Variants in GGNBP2 observed in about 807,000 individuals in gnomAD.
GGNBP2 encodes the protein gametogenetin-binding protein 2.
A neutral mutation model predicts 85.9 loss-of-function variants in GGNBP2; 10 were observed. That is an observed-to-expected ratio of 0.12 (90% CI 0.07 to 0.20). The LOEUF is 0.20. Ranked by LOEUF, GGNBP2 falls within the 10% of genes least tolerant of loss-of-function variation. The pLI is 1.00. For synonymous variants in GGNBP2, 287 were observed against 285.7 expected (o/e 1.00, Z -0.05); for missense variants, 595 against 857.8 (o/e 0.69, Z 3.83).
At chr17:36,573,022 CAG>C (rs1369322444) in intron 6 of GGNBP2, among the ~76,000 whole-genome samples, 1 of 152,154 alleles carries the variant, frequency 6.6e-6, no homozygotes, top group Non-Finnish European at 1.5e-5. Flanking sequence ...TAGCATATGA[CAG>C]GATTCCCCTC....
intron 5 of GGNBP2, among the ~76,000 whole-genome samples, chr17:36,562,291 T>C (rs1314163266): frequency 2.0e-5 from 3 of 152,064 alleles, no homozygotes; most frequent in African/African-American, 7.2e-5. Context: ...CTCAGCCTCC[T>C]GAGTAGCTGG....
At chr17:36,563,595 T>G (rs948318481) in intron 5 of GGNBP2, among the ~76,000 whole-genome samples, 2 of 151,806 alleles carry the variant, frequency 1.3e-5, no homozygotes, top group African/African-American at 4.8e-5. Flanking sequence ...TCTGGTTTTT[T>G]TTTTTTTTTT....
At position 36,581,558 on chromosome 17, in the gene GGNBP2, A is replaced by C. The variant is rs1332669988; in HGVS notation, c.1215+20A>C. The stretch of plus-strand genomic sequence containing the variant: ...GAGAAGGTAATATTTCTTAATATCA[A>C]CTCTTAAGTGTGTATGTATTGCTTG... On this transcript the variant is annotated intron_variant, in intron 9 of 13. Coordinates refer to ENST00000613102, the MANE Select transcript of GGNBP2 (RefSeq NM_024835.5). The C allele has an allele frequency of 6.4e-7, 1 of 1,558,864 alleles. No individual in the cohort carries two copies. Among genetic ancestry groups the C allele is most frequent in the Non-Finnish European group, 8.8e-7 (1 of 1,135,202 alleles).
Position 36,581,503 on chromosome 17 carries a change from C to A in GGNBP2, c.1180C>A (p.Gln394Lys), listed in dbSNP as rs368153017. 149 of 1,610,326 alleles carry A rather than the reference C, an allele frequency of 9.3e-5. 1 individual carries two copies. Among genetic ancestry groups the A allele is most frequent in the South Asian group, 3.4e-4 (31 of 90,392 alleles). Residue 394 changes from glutamine (Q) to lysine (K), a missense_variant, in exon 9 of 14, where the codon CAA becomes AAA. Physicochemically the swap from Gln to Lys is moderately conservative, Grantham distance 53 (BLOSUM62 1). Around this residue, in one of 9 missense-constraint regions of GGNBP2, gnomAD observed 85 missense variants for 92.6 expected, o/e 0.92. Coordinates refer to ENST00000613102, the MANE Select transcript of GGNBP2 (RefSeq NM_024835.5). ...KCVCDIPTPL[Q>K]TADEKEVSQE... ...TGTGTGTGATATTCCTACTCCCTTA[C>A]AAACAGCAGATGAAAAGGAAGTAAG... is the stretch of plus-strand genomic sequence containing the variant.
chr17:36,552,507 C>T (rs2074319524), intron 2 of GGNBP2, among the ~76,000 whole-genome samples: 1 of 150,906 alleles, frequency 6.6e-6, no homozygotes, highest in Admixed American at 6.6e-5. Context: ...TTGCTTTGTG[C>T]TGTTGATAAA....
intron 2 of GGNBP2, among the ~76,000 whole-genome samples, chr17:36,549,144 A>C (rs12601380): frequency 0.32 from 48,537 of 152,138 alleles, 9,100 homozygotes; most frequent in East Asian, 0.49. Context: ...GTTCAGTGTT[A>C]CTACAATTAT....
At chr17:36,571,010 ACT>A (rs938116458) in intron 6 of GGNBP2, among the ~76,000 whole-genome samples, 4 of 152,174 alleles carry the variant, frequency 2.6e-5, no homozygotes, top group South Asian at 4.1e-4. Flanking sequence ...ACAGAGTGAG[ACT>A]CTGTCTCAAA....
chr17:36,572,853 C>G (rs548740442), intron 6 of GGNBP2, among the ~76,000 whole-genome samples: 62 of 152,158 alleles, frequency 4.1e-4, no homozygotes, highest in Non-Finnish European at 7.1e-4. Flanking sequence ...CCCCTCACCC[C>G]CTAGCAACCA....
chr17:36,571,893 A>C (rs543787690), intron 6 of GGNBP2, among the ~76,000 whole-genome samples: 3 of 151,832 alleles, frequency 2.0e-5, no homozygotes, highest in Admixed American at 6.6e-5. Context: ...TAAAAACAAA[A>C]TAAAAAAATT....
At chr17:36,564,702 A>G (rs2074451774) in intron 5 of GGNBP2, among the ~76,000 whole-genome samples, 1 of 152,238 alleles carries the variant, frequency 6.6e-6, no homozygotes, top group African/African-American at 2.4e-5. Flanking sequence ...GGTCACCACT[A>G]TTAAATGCTA....
At chr17:36,580,453 C>G (rs2074636896) in intron 8 of GGNBP2, among the ~76,000 whole-genome samples, 1 of 151,752 alleles carries the variant, frequency 6.6e-6, no homozygotes, top group Non-Finnish European at 1.5e-5. Context: ...TCGTGATCCG[C>G]TGCCTGCCTT....
intron 8 of GGNBP2, among the ~76,000 whole-genome samples, chr17:36,580,212 C>CTTTT (rs71159621): frequency 7.3e-6 from 1 of 137,538 alleles, no homozygotes; most frequent in African/African-American, 2.7e-5. Flanking sequence ...CTTTTCTTTT[C>CTTTT]TTTTTTTTTT....
At chr17:36,579,196 T>A (rs745949649) in intron 7 of GGNBP2, 49 bp from the exon 8 acceptor site, 3 of 1,527,258 alleles carry the variant, frequency 2.0e-6, no homozygotes, top group Non-Finnish European at 2.7e-6. Context: ...TTATCCATCT[T>A]TTACTGTTTC....
chr17:36,579,951 A>C (rs1470097046), intron 8 of GGNBP2, among the ~76,000 whole-genome samples: 2 of 152,130 alleles, frequency 1.3e-5, no homozygotes, highest in East Asian at 3.9e-4. Context: ...TGGAGGTTGC[A>C]GTGAGCCAAG....
chr17:36,569,490 C>T lies in GGNBP2; in HGVS notation c.641+1714C>T, dbSNP rs945570243. ...TACTGTTTAAATTTGTTACAAGTTG[C>T]GTTTGTGGTTGTATGTCCTTTGACT... On this transcript the variant is annotated intron_variant, in intron 6 of 13. Coordinates refer to ENST00000613102, the MANE Select transcript of GGNBP2 (RefSeq NM_024835.5). Among the ~76,000 whole-genome samples, 8 of 152,110 alleles carry T rather than the reference C, an allele frequency of 5.3e-5. No homozygotes were observed. In the South Asian group the frequency reaches 6.2e-4, roughly 12 times the overall value.
At chr17:36,560,930 AT>A in intron 5 of GGNBP2, 59 bp downstream of exon 5, 1 of 908,742 alleles carries the variant, frequency 1.1e-6, no homozygotes, top group Admixed American at 2.5e-5. Flanking sequence ...ATTTGATCAT[AT>A]TTAGTAAAAG....
At position 36,589,392 on chromosome 17, in the gene GGNBP2, C is replaced by A; in HGVS notation, c.2075C>A (p.Thr692Lys). The A allele has an allele frequency of 1.2e-5, 20 of 1,613,124 alleles. No homozygotes were observed. The highest frequency in any genetic ancestry group is 1.5e-5 in the Non-Finnish European group (18 of 1,179,210). The change falls in exon 14 of 14, where the codon ACA becomes AAA. Residue 692 changes from threonine (T) to lysine (K), a missense_variant. Around this residue, in one of 9 missense-constraint regions of GGNBP2, gnomAD observed 26 missense variants for 26.9 expected, o/e 0.97. Transcript: ENST00000613102. ...AGGCCCATTTGTAGTGGCTGGTTGA[C>A]AACGGCTGGAGCAAATTAAATAAAT... ...HKRPICSGWL[T>K]TAGAN
At chr17:36,575,174 T>C in intron 6 of GGNBP2, 1 of 654,212 alleles carries the variant, frequency 1.5e-6, no homozygotes. Flanking sequence ...CTCTTTATCC[T>C]CGGCCTTGCC....
chr17:36,546,231 T>C lies in GGNBP2; in HGVS notation c.93+414T>C, dbSNP rs2074253568. 8.7e-6 allele frequency: 3 copies of C among 346,688 alleles called. No homozygotes were observed. In the East Asian group the frequency reaches 1.3e-4, roughly 15 times the overall value. 21.5% of individuals were successfully genotyped at this position (346,688 alleles called of 1,614,324 possible). ...CAGCTGCACTGCTACCTGTGTATTT[T>C]CTGTTTTAATACTGGTAGCTCTCAC... On this transcript the variant is annotated intron_variant, in intron 2 of 13. Coordinates refer to ENST00000613102, the MANE Select transcript of GGNBP2 (RefSeq NM_024835.5).
Sources: allele counts gnomAD v4.1 joint callset (sites outside exome capture counted in the v4.1 genomes callset), GRCh38; gene constraint gnomAD v4.1.1; regional missense constraint gnomAD v4.1.1; transcripts MANE v1.5; gene names NCBI Gene and HGNC (gene_info 2026-07-23, HGNC 2026-07-21).